CNTNAP2: variants seen among roughly 807,000 people sequenced by gnomAD.
CNTNAP2 encodes contactin-associated protein-like 2.
In CNTNAP2, 98 loss-of-function variants were observed where a neutral mutation model predicts 155.2. The observed-to-expected ratio is 0.63, with a 90% CI of 0.54 to 0.75. CNTNAP2 has a LOEUF of 0.75. Among genes scored for constraint, CNTNAP2 ranks in the 30% least tolerant of loss-of-function variants. CNTNAP2 has a pLI of 0.00. For missense variants in CNTNAP2, 1,727 were observed against 1,688.1 expected (o/e 1.02, Z -0.40); for synonymous variants, 651 against 631.2 (o/e 1.03, Z -0.47).
chr7:147,727,241 G>A (rs1278839913), intron 13 of CNTNAP2, among the ~76,000 whole-genome samples: 1 of 151,842 alleles, frequency 6.6e-6, no homozygotes, highest in Non-Finnish European at 1.5e-5. Context: ...AGTACACTGG[G>A]CACTTAGTAG....
intron 1 of CNTNAP2, among the ~76,000 whole-genome samples, chr7:146,327,963 C>T (rs893631150): frequency 3.3e-5 from 5 of 152,104 alleles, no homozygotes; most frequent in African/African-American, 7.2e-5. Flanking sequence ...AACTACAGGA[C>T]GTATGGTGGA....
chr7:146,523,504 G>T (rs1261420530), intron 1 of CNTNAP2, among the ~76,000 whole-genome samples: 1 of 151,882 alleles, frequency 6.6e-6, no homozygotes, highest in African/African-American at 2.4e-5. Flanking sequence ...ATCATATCAT[G>T]TCCAAAATAA....
At chr7:147,688,770 T>A (rs924113503) in intron 13 of CNTNAP2, among the ~76,000 whole-genome samples, 1 of 152,046 alleles carries the variant, frequency 6.6e-6, no homozygotes. Context: ...AAACTGGAGG[T>A]CCACCTTACA....
chr7:148,025,690 A>G (rs1044899976), intron 15 of CNTNAP2, among the ~76,000 whole-genome samples: 1 of 152,086 alleles, frequency 6.6e-6, no homozygotes, highest in African/African-American at 2.4e-5. Flanking sequence ...TACCATTCTT[A>G]CACTTACTTA....
chr7:148,335,266 T>C (rs1166958947), intron 21 of CNTNAP2, among the ~76,000 whole-genome samples: 3 of 152,152 alleles, frequency 2.0e-5, no homozygotes, highest in Non-Finnish European at 4.4e-5. Flanking sequence ...CCTCAACTCA[T>C]AAAGGGAAAA....
chr7:147,609,475 G>T (rs1480516905), intron 12 of CNTNAP2, among the ~76,000 whole-genome samples: 1 of 152,122 alleles, frequency 6.6e-6, no homozygotes, highest in Admixed American at 6.5e-5. Flanking sequence ...AACTTGCAGT[G>T]AGCCAAGATC....
chr7:148,104,328 A>G (rs960280011), intron 15 of CNTNAP2, among the ~76,000 whole-genome samples: 2 of 152,204 alleles, frequency 1.3e-5, no homozygotes, highest in African/African-American at 4.8e-5. Context: ...CCCTGGGTAT[A>G]GAGCAGTTTC....
chr7:147,104,348 G>C (rs1160063386), intron 4 of CNTNAP2, among the ~76,000 whole-genome samples: 1 of 151,780 alleles, frequency 6.6e-6, no homozygotes, highest in Non-Finnish European at 1.5e-5. Flanking sequence ...ATGAAATAAG[G>C]TTTAAAAAAT....
intron 1 of CNTNAP2, among the ~76,000 whole-genome samples, chr7:146,493,610 G>T (rs1322574797): frequency 6.6e-6 from 1 of 152,004 alleles, no homozygotes; most frequent in Non-Finnish European, 1.5e-5. Context: ...GAGCCCAGGT[G>T]TACAAAATCA....
chr7:146,270,334 T>C (rs1050964123), intron 1 of CNTNAP2, among the ~76,000 whole-genome samples: 1 of 152,188 alleles, frequency 6.6e-6, no homozygotes, highest in African/African-American at 2.4e-5. Context: ...ACTGAGTAGA[T>C]AAATGTGTGC....
intron 22 of CNTNAP2, among the ~76,000 whole-genome samples, chr7:148,389,239 G>GTT (rs1799290844): frequency 6.6e-6 from 1 of 152,184 alleles, no homozygotes. Flanking sequence ...ATTCCCATGT[G>GTT]TTGTGGGAGG....
At chr7:147,114,994 A>G (rs561533468) in intron 5 of CNTNAP2, among the ~76,000 whole-genome samples, 11 of 152,308 alleles carry the variant, frequency 7.2e-5, no homozygotes, top group Admixed American at 6.5e-4. Context: ...AGCTCTTGCA[A>G]GGCAGGACTG....
At chr7:146,887,363 A>G (rs1351317715) in intron 3 of CNTNAP2, among the ~76,000 whole-genome samples, 1 of 151,894 alleles carries the variant, frequency 6.6e-6, no homozygotes, top group Admixed American at 6.6e-5. Context: ...TTTTTAATAG[A>G]GACAGGTTTC....
At chr7:147,705,718 T>C (rs777471513) in intron 13 of CNTNAP2, among the ~76,000 whole-genome samples, 2 of 152,230 alleles carry the variant, frequency 1.3e-5, no homozygotes, top group African/African-American at 2.4e-5. Flanking sequence ...ATTTACTTTC[T>C]ATATCCAGGT....
intron 1 of CNTNAP2, among the ~76,000 whole-genome samples, chr7:146,576,243 T>G (rs1399419777): frequency 6.6e-6 from 1 of 152,206 alleles, no homozygotes; most frequent in Non-Finnish European, 1.5e-5. Context: ...TAGAGTTTTA[T>G]CCTGAACCAT....
At chr7:148,299,546 A>G (rs1797345043) in intron 21 of CNTNAP2, among the ~76,000 whole-genome samples, 1 of 152,210 alleles carries the variant, frequency 6.6e-6, no homozygotes, top group African/African-American at 2.4e-5. Context: ...CACAGATAAC[A>G]GTCAACGATT....
chr7:147,352,652 C>G (rs1158006462), intron 9 of CNTNAP2, among the ~76,000 whole-genome samples: 2 of 151,942 alleles, frequency 1.3e-5, no homozygotes, highest in Admixed American at 6.6e-5. Context: ...TACACTTTCT[C>G]TTTCTTAAAA....
intron 1 of CNTNAP2, among the ~76,000 whole-genome samples, chr7:146,216,711 A>G (rs749567375): frequency 1.3e-5 from 2 of 152,236 alleles, no homozygotes; most frequent in Non-Finnish European, 2.9e-5. Context: ...AAAGCAAGAA[A>G]CTGCCTCGCA....
intron 13 of CNTNAP2, among the ~76,000 whole-genome samples, chr7:147,745,080 A>C (rs1473880837): frequency 6.6e-6 from 1 of 152,196 alleles, no homozygotes; most frequent in Non-Finnish European, 1.5e-5. Flanking sequence ...TGGTACTCTA[A>C]CTCAAAGATC....
Sources: gnomAD v4.1 joint callset for allele counts (sites outside exome capture counted in the v4.1 genomes callset) on GRCh38, gnomAD v4.1.1 for gene constraint, MANE v1.5 for transcripts, NCBI Gene and HGNC (gene_info 2026-07-23, HGNC 2026-07-21) for gene names.